The following ADAM22 variants were observed in gnomAD, a reference collection of about 807,000 sequenced individuals.
The protein encoded by ADAM22 is disintegrin and metalloproteinase domain-containing protein 22.
ADAM22 carries 65 observed loss-of-function variants against 144.6 expected under a neutral mutation model. The ratio of observed to expected loss-of-function variants is 0.45; its 90% confidence interval spans 0.37 to 0.55. The LOEUF is 0.55. Ranked by LOEUF, ADAM22 falls within the 20% of genes least tolerant of loss-of-function variation. ADAM22 has a pLI of 0.00. For missense variants in ADAM22, 974 were observed against 1,184.9 expected (o/e 0.82, Z 2.61); for synonymous variants, 391 against 412.6 (o/e 0.95, Z 0.63).
chr7:87,946,210 T>G (rs1843653883), intron 2 of ADAM22, among the ~76,000 whole-genome samples: 1 of 152,106 alleles, frequency 6.6e-6, no homozygotes, highest in East Asian at 1.9e-4. Flanking sequence ...CTTTTGCCTA[T>G]GTTTTATTGG....
chr7:88,160,728 ATG>A (rs1841369537), intron 22 of ADAM22, among the ~76,000 whole-genome samples: 1 of 152,206 alleles, frequency 6.6e-6, no homozygotes, highest in Admixed American at 6.5e-5. Context: ...ATGTCCATCA[ATG>A]ATAGACTGGA....
At chr7:88,168,685 T>A (rs1843493899) in intron 25 of ADAM22, among the ~76,000 whole-genome samples, 1 of 152,208 alleles carries the variant, frequency 6.6e-6, no homozygotes, top group South Asian at 2.1e-4. Flanking sequence ...TCTTATGATG[T>A]GAAAAATTTC....
intron 3 of ADAM22, among the ~76,000 whole-genome samples, chr7:88,051,905 A>T (rs1307944630): frequency 1.3e-5 from 2 of 151,676 alleles, no homozygotes; most frequent in South Asian, 2.1e-4. Flanking sequence ...TATTTTGGTA[A>T]AATTATTTTT....
At chr7:87,953,400 T>C (rs370186267) in intron 2 of ADAM22, among the ~76,000 whole-genome samples, 14 of 150,768 alleles carry the variant, frequency 9.3e-5, no homozygotes, top group Non-Finnish European at 1.6e-4. Context: ...TCGTTATGTA[T>C]CCAGTAGTCA....
At chr7:87,952,071 A>G (rs1470150940) in intron 2 of ADAM22, among the ~76,000 whole-genome samples, 1 of 151,264 alleles carries the variant, frequency 6.6e-6, no homozygotes, top group East Asian at 2.0e-4. Context: ...TAGATATACA[A>G]TCATGTCATC....
chr7:88,141,847 G>A (rs1454575250), intron 14 of ADAM22, among the ~76,000 whole-genome samples: 1 of 151,682 alleles, frequency 6.6e-6, no homozygotes, highest in Non-Finnish European at 1.5e-5. Context: ...GTTATAAATT[G>A]TGCCACCACA....
intron 3 of ADAM22, among the ~76,000 whole-genome samples, chr7:87,989,145 A>G (rs1393449655): frequency 6.6e-6 from 1 of 152,238 alleles, no homozygotes; most frequent in Non-Finnish European, 1.5e-5. Flanking sequence ...GGTGAAATAT[A>G]ACATATAGGA....
At chr7:88,045,320 A>C (rs187042468) in intron 3 of ADAM22, among the ~76,000 whole-genome samples, 112 of 152,296 alleles carry the variant, frequency 7.4e-4, no homozygotes, top group Admixed American at 1.0e-3. Context: ...ACCAGGCCTA[A>C]TAGAGACATT....
chr7:88,183,859 C>CAT (rs1847701845), intron 29 of ADAM22, among the ~76,000 whole-genome samples: 1 of 150,190 alleles, frequency 6.7e-6, no homozygotes, highest in Admixed American at 6.7e-5. Context: ...TTTATACATA[C>CAT]ACACACACGT....
chr7:87,957,586 C>CT (rs921776434), intron 2 of ADAM22, among the ~76,000 whole-genome samples: 8 of 151,652 alleles, frequency 5.3e-5, no homozygotes, highest in Non-Finnish European at 7.4e-5. Context: ...TTTTCTTCTT[C>CT]TTTTTTTTAT....
intron 2 of ADAM22, among the ~76,000 whole-genome samples, chr7:87,967,510 C>T (rs1849404139): frequency 6.6e-6 from 1 of 151,808 alleles, no homozygotes; most frequent in Non-Finnish European, 1.5e-5. Context: ...TTTCATGCCT[C>T]ATTTAAAAAA....
At chr7:88,098,034 C>T (rs1821903372) in intron 4 of ADAM22, among the ~76,000 whole-genome samples, 1 of 152,232 alleles carries the variant, frequency 6.6e-6, no homozygotes, top group East Asian at 1.9e-4. Flanking sequence ...TGTTGCTGAG[C>T]ATTTTGTGGG....
chr7:88,196,842 G>T lies in ADAM22; in HGVS notation c.*351G>T. On this transcript the variant is annotated 3_prime_UTR_variant, in exon 32 of 32. Coordinates refer to ENST00000413139, the MANE Select transcript of ADAM22 (RefSeq NM_001324418.2). ...AGCAAGTTTCCTAAGGTACAATAGT[G>T]GATTCAGAACTTGACGTTCTGAGGC... The T allele has an allele frequency of 3.7e-6, 1 of 271,852 alleles. No individual in the cohort carries two copies. The highest frequency in any genetic ancestry group is 7.2e-6 in the Non-Finnish European group (1 of 138,884). The allele number at this position is 271,852 out of a possible 1,614,324, so 16.8% of individuals were successfully genotyped here. A position where few individuals can be genotyped will look rare whatever the true frequency, so the allele number is the denominator to read the frequency against.
chr7:87,979,413 C>T (rs768425723), intron 3 of ADAM22, among the ~76,000 whole-genome samples: 2 of 152,136 alleles, frequency 1.3e-5, no homozygotes, highest in African/African-American at 2.4e-5. Context: ...ATTTTAAATG[C>T]TCAATAACCC....
chr7:87,946,337 TGTTGATA>T (rs1407714563), intron 2 of ADAM22, among the ~76,000 whole-genome samples: 2 of 152,250 alleles, frequency 1.3e-5, no homozygotes. Flanking sequence ...CTGTTTACTC[TGTTGATA>T]GTTTCTTTTG....
At chr7:88,097,849 A>C (rs150905572) in intron 4 of ADAM22, among the ~76,000 whole-genome samples, 9 of 152,242 alleles carry the variant, frequency 5.9e-5, no homozygotes, top group Non-Finnish European at 1.0e-4. Flanking sequence ...TTTAAATTTT[A>C]TTATTCATAA....
intron 22 of ADAM22, 80 bp downstream of exon 22, chr7:88,156,086 T>C: frequency 6.6e-7 from 1 of 1,513,770 alleles, no homozygotes; most frequent in Admixed American, 1.8e-5. Flanking sequence ...CCGTTTTCAA[T>C]TAATGTACAT....
chr7:87,934,611 TC>T (rs1237985879), intron 1 of ADAM22, 61 bp downstream of exon 1: 8 of 1,477,784 alleles, frequency 5.4e-6, no homozygotes, highest in Non-Finnish European at 7.3e-6. Context: ...TTTGGAGCCC[TC>T]AGGCGTATTG....
rs892208922 is a variant in ADAM22 at position 88,193,103 on chromosome 7, C to T, written c.2751-13C>T. The T allele has an allele frequency of 6.2e-7, 1 of 1,613,504 alleles. No homozygotes were observed. Among genetic ancestry groups the T allele is most frequent in the African/African-American group, 1.3e-5 (1 of 74,908 alleles). On this transcript the variant is annotated splice_polypyrimidine_tract_variant and intron_variant, in intron 30 of 31. Coordinates refer to ENST00000413139, the MANE Select transcript of ADAM22 (RefSeq NM_001324418.2). ...AATCACATGATACTTAATTCATGTT[C>T]TCAACATCTCAGGACTTTATCTCCT... is the stretch of plus-strand genomic sequence containing the variant.
Sources: gnomAD v4.1 joint callset for allele counts (sites outside exome capture counted in the v4.1 genomes callset) on GRCh38, gnomAD v4.1.1 for gene constraint, MANE v1.5 for transcripts, NCBI Gene and HGNC (gene_info 2026-07-23, HGNC 2026-07-21) for gene names.